ZSCAN25: variants seen among roughly 807,000 people sequenced by gnomAD.
ZSCAN25 encodes the protein zinc finger and SCAN domain-containing protein 25.
ZSCAN25 carries 27 observed loss-of-function variants against 38.7 expected under a neutral mutation model. The ratio of observed to expected loss-of-function variants is 0.70; its 90% CI spans 0.51 to 0.96. The LOEUF (loss-of-function observed/expected upper bound fraction) is 0.96, where lower values mean the gene tolerates loss of function less well. Among genes scored for constraint, ZSCAN25 ranks in the 40% least tolerant of loss-of-function variants. The probability of loss-of-function intolerance (pLI) is 0.00; values close to 1 mark genes in which losing one functional copy is unlikely to be tolerated. For synonymous variants in ZSCAN25, 273 were observed against 277.7 expected (o/e 0.98, Z 0.17); for missense variants, 637 against 705.9 (o/e 0.90, Z 1.11).
chr7:99,717,772 A>AGCATCTGTCATAGGGC, the ZSCAN25 span: 2 of 1,145,696 alleles, frequency 1.7e-6, no homozygotes, highest in Non-Finnish European at 2.5e-6. Flanking sequence ...AGGCCCTATG[A>AGCATCTGTCATAGGGC]CAGATGCTCA....
At chr7:99,714,285 G>A in the ZSCAN25 span, among the ~76,000 whole-genome samples, 10 of 152,226 alleles carry the variant, frequency 6.6e-5, no homozygotes, top group South Asian at 2.1e-4. Flanking sequence ...GCTGTGATAA[G>A]GTTTTATCTG....
At position 99,618,636 on chromosome 7, in the gene ZSCAN25, A is replaced by G. The variant is rs1806672304; in HGVS notation, c.-147A>G. The stretch of plus-strand genomic sequence containing the variant: ...CACCACCCTGATCTAAGCCCTTATC[A>G]TCTGCTTGAATCACTGTAAGTGCCA... On this transcript the variant is annotated 5_prime_UTR_variant, in exon 2 of 8. Transcript: ENST00000394152. The G allele has an allele frequency of 6.6e-6, 1 of 152,110 alleles. No homozygotes were observed. Among genetic ancestry groups the G allele is most frequent in the Admixed American group, 6.5e-5 (1 of 15,272 alleles). The allele number at this position is 152,110 out of a possible 1,614,324, so 9.4% of individuals were successfully genotyped here. A position where few individuals can be genotyped will look rare whatever the true frequency, so the allele number is the denominator to read the frequency against.
chr7:99,665,235 C>T, the ZSCAN25 span: 2 of 1,613,894 alleles, frequency 1.2e-6, no homozygotes, highest in Non-Finnish European at 1.7e-6. Context: ...ACAAAGGGGT[C>T]TTGTGGATTG....
the ZSCAN25 span, chr7:99,711,011 T>G: frequency 6.5e-7 from 1 of 1,526,882 alleles, no homozygotes; most frequent in Non-Finnish European, 8.9e-7. Context: ...GAAAAGCAAT[T>G]CAGAGTCTCA....
chr7:99,724,553 C>T, the ZSCAN25 span, among the ~76,000 whole-genome samples: 5 of 152,172 alleles, frequency 3.3e-5, no homozygotes, highest in Admixed American at 1.3e-4. Context: ...CATCTGACCT[C>T]TCCCCTCCCC....
At chr7:99,699,868 ATC>A in the ZSCAN25 span, 1 of 796,524 alleles carries the variant, frequency 1.3e-6, no homozygotes, top group South Asian at 1.4e-5. Context: ...CTCCTTGAAC[ATC>A]TCTTTTGATC....
At chr7:99,713,104 A>G in the ZSCAN25 span, among the ~76,000 whole-genome samples, 1 of 152,190 alleles carries the variant, frequency 6.6e-6, no homozygotes, top group Non-Finnish European at 1.5e-5. Flanking sequence ...TGCCATTGAA[A>G]GCAATCACAA....
At chr7:99,718,520 A>G in the ZSCAN25 span, among the ~76,000 whole-genome samples, 2 of 152,194 alleles carry the variant, frequency 1.3e-5, no homozygotes, top group East Asian at 3.8e-4. Context: ...TCAGCAAACT[A>G]GGGAGAGAAA....
chr7:99,672,140 C>T, the ZSCAN25 span, among the ~76,000 whole-genome samples: 1 of 152,072 alleles, frequency 6.6e-6, no homozygotes, highest in South Asian at 2.1e-4. Context: ...CAACCTCCGC[C>T]TCCCAGGTTC....
At chr7:99,689,200 AC>A in the ZSCAN25 span, among the ~76,000 whole-genome samples, 1 of 152,276 alleles carries the variant, frequency 6.6e-6, no homozygotes, top group South Asian at 2.1e-4. Flanking sequence ...AGACACAAAA[AC>A]CCTTCAAAAA....
chr7:99,643,355 G>A, the ZSCAN25 span, among the ~76,000 whole-genome samples: 1 of 152,018 alleles, frequency 6.6e-6, no homozygotes, highest in Non-Finnish European at 1.5e-5. Flanking sequence ...CCTGTGAGCC[G>A]GAAAGTCTCC....
At chr7:99,709,663 A>C in the ZSCAN25 span, among the ~76,000 whole-genome samples, 2 of 152,208 alleles carry the variant, frequency 1.3e-5, no homozygotes, top group East Asian at 3.8e-4. Flanking sequence ...AACAGATAGA[A>C]AAAGCAAATT....
the ZSCAN25 span, among the ~76,000 whole-genome samples, chr7:99,692,386 T>G: frequency 1.3e-5 from 2 of 152,220 alleles, no homozygotes; most frequent in African/African-American, 4.8e-5. Context: ...GGGTTGCTCT[T>G]TTTGAGGAGT....
the ZSCAN25 span, among the ~76,000 whole-genome samples, chr7:99,700,837 G>C: frequency 6.6e-6 from 1 of 152,224 alleles, no homozygotes; most frequent in South Asian, 2.1e-4. Context: ...TGTGGTGATA[G>C]CAATAGACTA....
At chr7:99,709,359 A>G in the ZSCAN25 span, 1 of 1,513,784 alleles carries the variant, frequency 6.6e-7, no homozygotes, top group Non-Finnish European at 9.0e-7. Flanking sequence ...GTTCCAGAGA[A>G]CAACTCATAC....
the ZSCAN25 span, among the ~76,000 whole-genome samples, chr7:99,699,256 T>C: frequency 6.6e-6 from 1 of 152,202 alleles, no homozygotes; most frequent in African/African-American, 2.4e-5. Flanking sequence ...AGAATAAATC[T>C]TCAAAACTTC....
Position 99,621,533 on chromosome 7 carries a change from G to T in ZSCAN25, c.548G>T (p.Ser183Ile). The T allele has an allele frequency of 6.5e-7, 1 of 1,546,928 alleles. No individual in the cohort carries two copies. Among genetic ancestry groups the T allele is most frequent in the South Asian group, 1.2e-5 (1 of 82,660 alleles). The change falls in exon 5 of 8, where the codon AGT becomes ATT. Residue 183 changes from serine to isoleucine, a missense_variant. Physicochemically the swap from Ser to Ile is moderately radical, Grantham distance 142. Coordinates refer to ENST00000394152, the MANE Select transcript of ZSCAN25 (RefSeq NM_145115.3). The stretch of plus-strand genomic sequence containing the variant: ...GACCCAGGTACCGAGGAGCAGCTCA[G>T]TCAGGACCCTGGAGATGAGACACGG... ...GPDPGTEEQL[S>I]QDPGDETRAF...
the ZSCAN25 span, among the ~76,000 whole-genome samples, chr7:99,691,009 C>G: frequency 6.6e-6 from 1 of 152,140 alleles, no homozygotes; most frequent in African/African-American, 2.4e-5. Context: ...TTTATTGTGG[C>G]ACTATTCACA....
the ZSCAN25 span, chr7:99,666,596 CT>C: frequency 5.3e-5 from 85 of 1,613,374 alleles, no homozygotes; most frequent in Non-Finnish European, 7.0e-5. Flanking sequence ...TGTGCTCCTA[CT>C]TACTCTTTCA....
Sources: gnomAD v4.1 joint callset for allele counts (sites outside exome capture counted in the v4.1 genomes callset) on GRCh38, gnomAD v4.1.1 for gene constraint, MANE v1.5 for transcripts, NCBI Gene and HGNC (gene_info 2026-07-23, HGNC 2026-07-21) for gene names.